FARS2: variants seen among roughly 807,000 people sequenced by gnomAD.
FARS2 encodes the protein phenylalanine--tRNA ligase, mitochondrial.
Under a neutral mutation model 46.4 loss-of-function variants are expected in FARS2, and 40 were observed. The observed-to-expected ratio is 0.86, with a 90% CI of 0.67 to 1.12. FARS2 has a LOEUF of 1.12. Ranked by LOEUF, FARS2 falls within the 50% of genes most tolerant of loss-of-function variation. FARS2 has a pLI of 0.00. For synonymous variants in FARS2, 234 were observed against 214.9 expected (o/e 1.09, Z -0.78); for missense variants, 513 against 567.9 (o/e 0.90, Z 0.98).
chr6:5,571,621 G>A (rs975146874), intron 5 of FARS2, among the ~76,000 whole-genome samples: 2 of 152,026 alleles, frequency 1.3e-5, no homozygotes, highest in Non-Finnish European at 2.9e-5. Flanking sequence ...TCTAGCACCC[G>A]GCTGGGGTTC....
chr6:5,629,075 A>G (rs967600749), intron 6 of FARS2, among the ~76,000 whole-genome samples: 1 of 152,226 alleles, frequency 6.6e-6, no homozygotes, highest in Non-Finnish European at 1.5e-5. Context: ...AATCAGCACC[A>G]TGTCAGGTTG....
At chr6:5,708,570 C>T (rs993748275) in intron 6 of FARS2, among the ~76,000 whole-genome samples, 7 of 152,180 alleles carry the variant, frequency 4.6e-5, no homozygotes, top group Admixed American at 2.6e-4. Context: ...AAGTGTAAAG[C>T]CTCTGGTCAA....
At chr6:5,633,360 C>G (rs527792161) in intron 6 of FARS2, among the ~76,000 whole-genome samples, 3 of 148,822 alleles carry the variant, frequency 2.0e-5, no homozygotes, top group East Asian at 4.0e-4. Flanking sequence ...ACTGCAACCT[C>G]CGCTTCCTGG....
intron 6 of FARS2, among the ~76,000 whole-genome samples, chr6:5,646,580 G>T: frequency 6.6e-6 from 1 of 152,098 alleles, no homozygotes; most frequent in East Asian, 1.9e-4. Context: ...AACTACAGTT[G>T]GACTTTGGTA....
intron 4 of FARS2, among the ~76,000 whole-genome samples, chr6:5,456,241 C>T (rs1160732036): frequency 6.6e-6 from 1 of 151,322 alleles, no homozygotes; most frequent in African/African-American, 2.4e-5. Flanking sequence ...AAAAAATAAA[C>T]AAATATTTAT....
At chr6:5,297,567 G>A (rs977444689) in intron 1 of FARS2, among the ~76,000 whole-genome samples, 1 of 152,036 alleles carries the variant, frequency 6.6e-6, no homozygotes, top group Admixed American at 6.5e-5. Context: ...AGAATTGATT[G>A]AACCCAGGAG....
intron 6 of FARS2, among the ~76,000 whole-genome samples, chr6:5,618,418 A>G (rs999002688): frequency 1.3e-5 from 2 of 152,202 alleles, no homozygotes; most frequent in African/African-American, 4.8e-5. Context: ...TGATAGTGCA[A>G]AAGAGCGCCG....
At chr6:5,542,646 G>A (rs1770704785) in intron 4 of FARS2, among the ~76,000 whole-genome samples, 1 of 152,148 alleles carries the variant, frequency 6.6e-6, no homozygotes. Flanking sequence ...AATGTCCCCT[G>A]GTGGTTAAGA....
At chr6:5,568,441 T>C (rs1772446279) in intron 5 of FARS2, among the ~76,000 whole-genome samples, 1 of 152,176 alleles carries the variant, frequency 6.6e-6, no homozygotes, top group Admixed American at 6.5e-5. Context: ...ACACAGGAAG[T>C]ATAGTTTCCT....
Position 5,392,875 on chromosome 6 carries a change from A to G in FARS2, c.613-11667A>G, listed in dbSNP as rs577558780. Among the ~76,000 whole-genome samples, 42 of 147,170 alleles carry G rather than the reference A, an allele frequency of 2.9e-4. 1 individual carries two copies. In the South Asian group the frequency reaches 8.7e-3, roughly 30 times the overall value. ...TTATATGTGTGTGTATATATTATAT[A>G]TATGTATATATACATATATGTGTGT... On this transcript the variant is annotated intron_variant, in intron 2 of 6. Coordinates refer to ENST00000274680, the MANE Select transcript of FARS2 (RefSeq NM_006567.5).
At chr6:5,547,670 G>A (rs1344834528) in intron 5 of FARS2, among the ~76,000 whole-genome samples, 1 of 152,166 alleles carries the variant, frequency 6.6e-6, no homozygotes, top group Admixed American at 6.5e-5. Flanking sequence ...TATTATGAAG[G>A]AGAATTGGCT....
intron 3 of FARS2, among the ~76,000 whole-genome samples, chr6:5,427,490 G>A (rs1762916787): frequency 6.6e-6 from 1 of 152,194 alleles, no homozygotes; most frequent in African/African-American, 2.4e-5. Context: ...GGCATTCTTT[G>A]TGGGGTCATG....
At chr6:5,483,139 G>A (rs1766571239) in intron 4 of FARS2, among the ~76,000 whole-genome samples, 1 of 152,144 alleles carries the variant, frequency 6.6e-6, no homozygotes, top group African/African-American at 2.4e-5. Context: ...AAACTGCTGG[G>A]TTCTCCTTCA....
At chr6:5,479,351 A>C (rs1038214026) in intron 4 of FARS2, among the ~76,000 whole-genome samples, 3 of 152,216 alleles carry the variant, frequency 2.0e-5, no homozygotes, top group African/African-American at 7.2e-5. Context: ...GAGATACCAC[A>C]GTGGGAGAGG....
At chr6:5,735,728 A>G (rs1277471054) in intron 6 of FARS2, among the ~76,000 whole-genome samples, 3 of 152,218 alleles carry the variant, frequency 2.0e-5, no homozygotes, top group Non-Finnish European at 4.4e-5. Flanking sequence ...ACCGTGGTCA[A>G]TAGCGGTAAT....
intron 1 of FARS2, among the ~76,000 whole-genome samples, chr6:5,285,251 G>T (rs115789500): frequency 6.6e-6 from 1 of 152,138 alleles, no homozygotes; most frequent in Non-Finnish European, 1.5e-5. Flanking sequence ...GAGGCCAAAG[G>T]GAGCAGTGTC....
At chr6:5,291,353 CA>C in intron 1 of FARS2, 1 of 152,028 alleles carries the variant, frequency 6.6e-6, no homozygotes. Flanking sequence ...AACTTTTTTC[CA>C]AAATCCAGTG....
Position 5,623,878 on chromosome 6 carries a change from T to C in FARS2, c.1217+10558T>C, listed in dbSNP as rs114603489. ...GTTTGCAAATCACATCCTGGTCTTATTCCTCTGGACAGAGCCAAATAAGTG... is the reference window on the plus strand; with the variant it reads ...GTTTGCAAATCACATCCTGGTCTTACTCCTCTGGACAGAGCCAAATAAGTG... On this transcript the variant is annotated intron_variant, in intron 6 of 6. Transcript: ENST00000274680. Among the ~76,000 whole-genome samples the C allele has an allele frequency of 4.4e-3, 676 of 152,320 alleles. 4 individuals carry two copies. Among genetic ancestry groups the C allele is most frequent in the African/African-American group, 0.016 (653 of 41,580 alleles).
intron 6 of FARS2, among the ~76,000 whole-genome samples, chr6:5,748,075 A>C (rs963980632): frequency 1.3e-5 from 2 of 152,070 alleles, no homozygotes; most frequent in Admixed American, 6.6e-5. Context: ...CCCACATCCC[A>C]AGAAAACTCC....
Sources: allele counts gnomAD v4.1 joint callset (sites outside exome capture counted in the v4.1 genomes callset), GRCh38; gene constraint gnomAD v4.1.1; transcripts MANE v1.5; gene names NCBI Gene and HGNC (gene_info 2026-07-23, HGNC 2026-07-21).